The following RS1 variants were observed in gnomAD, a reference collection of about 807,000 sequenced individuals.
RS1 encodes retinoschisin.
Under a neutral mutation model 20.8 loss-of-function variants are expected in RS1, and 2 were observed. The observed-to-expected ratio is 0.10, with a 90% CI of 0.04 to 0.30. The LOEUF is 0.30. RS1 is among the 10% of genes least tolerant of loss of function. The probability of loss-of-function intolerance (pLI) is 1.00; values close to 1 mark genes in which losing one functional copy is unlikely to be tolerated. For synonymous variants in RS1, 70 were observed against 75.8 expected, an observed-to-expected ratio of 0.92 and a Z score of 0.40; for missense variants, 151 against 189.8, an observed-to-expected ratio of 0.80 and a Z score of 1.20.
intron 3 of RS1, among the ~76,000 whole-genome samples, chrX:18,651,645 G>A (rs1034684367): frequency 9.0e-5 from 10 of 111,393 alleles, no homozygotes; most frequent in Non-Finnish European, 1.5e-4. Flanking sequence ...TCGCAAGCTC[G>A]TGGGGGGTTC....
chrX:18,672,042 C>A lies in RS1; in HGVS notation c.27G>T (p.Leu9Phe). The change falls in exon 1 of 6, where the codon TTG (leucine) becomes TTT (phenylalanine). Residue 9 changes from leucine (L) to phenylalanine (F), a missense_variant. By Grantham distance (22) the Leu-to-Phe change is conservative. Coordinates refer to ENST00000379984, the MANE Select transcript of RS1 (RefSeq NM_000330.4). ...CTTCATAGCCAAAGAGAAGTAATAA[C>A]AAAAAGCCTTCTATCTTGCGTGACA... MSRKIEGF[L>F]LLLLFGYEAT... 1 of 1,210,795 alleles carries A rather than the reference C, an allele frequency of 8.3e-7. No individual in the cohort carries two copies. Among genetic ancestry groups the A allele is most frequent in the Non-Finnish European group, 1.1e-6 (1 of 894,920 alleles).
intron 4 of RS1, among the ~76,000 whole-genome samples, chrX:18,645,813 C>A (rs368751783): frequency 5.1e-4 from 57 of 111,034 alleles, no homozygotes; most frequent in African/African-American, 1.5e-3. Context: ...GGTAATAGAA[C>A]CCCTGAGTTT....
intron 3 of RS1, among the ~76,000 whole-genome samples, chrX:18,655,561 G>T (rs1403320925): frequency 8.9e-6 from 1 of 111,866 alleles, no homozygotes; most frequent in Non-Finnish European, 1.9e-5. Context: ...CTGGTCTACC[G>T]TGGGTAGGCA....
At chrX:18,654,638 C>T (rs970848877) in intron 3 of RS1, among the ~76,000 whole-genome samples, 1 of 111,238 alleles carries the variant, frequency 9.0e-6, no homozygotes. Context: ...AATGAGGGTG[C>T]GTCAGTATTG....
At chrX:18,646,142 C>T in intron 4 of RS1, 1 of 1,207,509 alleles carries the variant, frequency 8.3e-7, no homozygotes, top group African/African-American at 1.7e-5. Context: ...CCCTAGACTA[C>T]TGAATGAAAC....
At chrX:18,663,105 C>G (rs1176612832) in intron 1 of RS1, among the ~76,000 whole-genome samples, 1 of 95,521 alleles carries the variant, frequency 1.0e-5, no homozygotes, top group Non-Finnish European at 2.0e-5. Context: ...ATGGCGCAAT[C>G]TCGGCTCACA....
chrX:18,654,149 CTTTT>C (rs1186729210), intron 3 of RS1, among the ~76,000 whole-genome samples: 5 of 92,564 alleles, frequency 5.4e-5, no homozygotes, highest in African/African-American at 3.9e-5. Flanking sequence ...TTCTCTCTCT[CTTTT>C]TTTTTTTTTT....
chrX:18,661,796 T>A (rs112522890), intron 1 of RS1, among the ~76,000 whole-genome samples: 2 of 112,438 alleles, frequency 1.8e-5, no homozygotes, highest in African/African-American at 6.4e-5. Context: ...TCTCAACGCC[T>A]TCTGCACGTC....
intron 1 of RS1, among the ~76,000 whole-genome samples, chrX:18,658,736 C>T (rs186163531): frequency 6.3e-4 from 70 of 110,595 alleles, no homozygotes; most frequent in African/African-American, 2.2e-3. Flanking sequence ...GGGTTACAGG[C>T]ATGAGCCACC....
Position 18,642,004 on chromosome X carries a change from T to G in RS1, c.675A>C (p.Ter225CysextTer43). Residue 225 changes from the stop codon to cysteine (C), a stop_lost, in exon 6 of 6, where the codon TGA (stop) becomes TGC (cysteine). Transcript: ENST00000379984. The part of the protein sequence containing the change: ...ELLECVSKCA[*>C] ...GGCAGGCGCCGAGCTGAGGCAGGCA[T>G]CAGGCACACTTGCTGACGCACTCCA... The G allele has an allele frequency of 8.3e-7, 1 of 1,211,250 alleles. No homozygotes were observed. Among genetic ancestry groups the G allele is most frequent in the Non-Finnish European group, 1.1e-6 (1 of 895,490 alleles).
intron 5 of RS1, 22 bp downstream of exon 5, chrX:18,644,408 G>A: frequency 8.3e-7 from 1 of 1,207,823 alleles, no homozygotes; most frequent in Non-Finnish European, 1.1e-6. Flanking sequence ...GCTGAAGTTG[G>A]TTTGGGATAA....
chrX:18,653,786 G>A (rs1457013197), intron 3 of RS1, among the ~76,000 whole-genome samples: 1 of 110,379 alleles, frequency 9.1e-6, no homozygotes, highest in Non-Finnish European at 1.9e-5. Flanking sequence ...TGGGCAACAC[G>A]GTGAAACCCC....
intron 1 of RS1, among the ~76,000 whole-genome samples, chrX:18,657,942 G>A (rs773379890): frequency 9.0e-6 from 1 of 111,395 alleles, no homozygotes; most frequent in African/African-American, 3.3e-5. Flanking sequence ...AGGCCGAGGC[G>A]GGCCTAACAC....
rs1378158937 is a variant in RS1 at position 18,647,187 on chromosome X, T to G, written c.326+4A>C. 9.9e-6 allele frequency: 12 copies of G among 1,208,674 alleles called. No individual in the cohort carries two copies. Among genetic ancestry groups the G allele is most frequent in the Non-Finnish European group, 1.3e-5 (12 of 894,940 alleles). ...ATGAAAAAAAATCCCCGGGCCCTGCTTACCCAAAGCCTTGACTGTTGAGCC... is the reference window on the plus strand; with the variant it reads ...ATGAAAAAAAATCCCCGGGCCCTGCGTACCCAAAGCCTTGACTGTTGAGCC... On this transcript the variant is annotated splice_donor_region_variant and intron_variant, in intron 4 of 5. Coordinates refer to ENST00000379984, the MANE Select transcript of RS1 (RefSeq NM_000330.4).
At chrX:18,669,025 T>C (rs1307275398) in intron 1 of RS1, among the ~76,000 whole-genome samples, 1 of 112,384 alleles carries the variant, frequency 8.9e-6, no homozygotes, top group African/African-American at 3.2e-5. Flanking sequence ...CAATCTCTGA[T>C]GGTAACACAG....
intron 1 of RS1, among the ~76,000 whole-genome samples, chrX:18,661,340 G>A (rs774245794): frequency 9.0e-6 from 1 of 111,662 alleles, no homozygotes; most frequent in East Asian, 2.8e-4. Context: ...ACCTCTGGGG[G>A]AGCATACAGA....
intron 3 of RS1, chrX:18,653,376 C>T: frequency 3.3e-6 from 4 of 1,194,847 alleles, no homozygotes; most frequent in Non-Finnish European, 4.5e-6. Context: ...CCAGAGTGCA[C>T]CTGCTAGCGC....
chrX:18,670,392 T>C (rs1458585672), intron 1 of RS1, among the ~76,000 whole-genome samples: 2 of 110,090 alleles, frequency 1.8e-5, no homozygotes, highest in Non-Finnish European at 1.9e-5. Context: ...CATGCCCAGA[T>C]ACTTTTTGTA....
intron 1 of RS1, among the ~76,000 whole-genome samples, chrX:18,662,629 C>CT (rs765805571): frequency 0.01 from 988 of 98,654 alleles, 28 homozygotes; most frequent in South Asian, 0.082. Context: ...TGAACTCATC[C>CT]TTTTTTTTTT....
Sources: allele counts gnomAD v4.1 joint callset (sites outside exome capture counted in the v4.1 genomes callset), GRCh38; gene constraint gnomAD v4.1.1; transcripts MANE v1.5; gene names NCBI Gene and HGNC (gene_info 2026-07-23, HGNC 2026-07-21).